Variants in PBX3 observed in about 807,000 individuals in gnomAD.
PBX3 encodes the protein pre-B-cell leukemia transcription factor 3.
A neutral mutation model predicts 48.5 loss-of-function variants in PBX3; 14 were observed. The observed-to-expected ratio is 0.29, with a 90% CI of 0.19 to 0.45. PBX3 has a LOEUF of 0.45. Among genes scored for constraint, PBX3 ranks in the 20% least tolerant of loss-of-function variants. The pLI, the probability that PBX3 is intolerant of heterozygous loss-of-function variation, is 1.00. For missense variants in PBX3, 386 were observed against 546.7 expected (o/e 0.71, Z 2.93); for synonymous variants, 210 against 200.3 (o/e 1.05, Z -0.41).
intron 2 of PBX3, among the ~76,000 whole-genome samples, chr9:125,842,056 T>C (rs1213626542): frequency 6.6e-6 from 1 of 152,192 alleles, no homozygotes; most frequent in Non-Finnish European, 1.5e-5. Flanking sequence ...ACCTCTAATT[T>C]TGAAAACTTT....
chr9:125,874,402 T>A (rs1588246074), intron 2 of PBX3, among the ~76,000 whole-genome samples: 1 of 152,122 alleles, frequency 6.6e-6, no homozygotes, highest in Non-Finnish European at 1.5e-5. Context: ...GACAGGCTAG[T>A]CTTATTCACG....
In PBX3 at chr9:125,966,849, A is replaced by G. The variant is rs1842543834; in HGVS notation, c.*926A>G. 6.6e-6 allele frequency: 1 copy of G among 152,666 alleles called. No individual in the cohort carries two copies. The highest frequency in any genetic ancestry group is 2.4e-5 in the African/African-American group (1 of 41,450). The allele number at this position is 152,666 out of a possible 1,614,324, so 9.5% of individuals were successfully genotyped here. The stretch of plus-strand genomic sequence containing the variant: ...AGTGCTCACTTACTACCTCTGAACA[A>G]TACTCACGCTGTAGTTTGTCTCTTT... On this transcript the variant is annotated 3_prime_UTR_variant, in exon 9 of 9. Transcript: ENST00000373489.
chr9:125,837,141 G>A (rs1015079561), intron 2 of PBX3, among the ~76,000 whole-genome samples: 2 of 152,102 alleles, frequency 1.3e-5, no homozygotes, highest in African/African-American at 2.4e-5. Context: ...TAACAGTAGA[G>A]GGCTGGTTAA....
At chr9:125,796,975 G>C (rs1837800813) in intron 2 of PBX3, among the ~76,000 whole-genome samples, 2 of 152,148 alleles carry the variant, frequency 1.3e-5, no homozygotes, top group South Asian at 4.1e-4. Flanking sequence ...TGCAAGGCCT[G>C]AGATTACCTA....
intron 2 of PBX3, among the ~76,000 whole-genome samples, chr9:125,896,729 T>G (rs1374697813): frequency 6.6e-6 from 1 of 152,032 alleles, no homozygotes; most frequent in Non-Finnish European, 1.5e-5. Context: ...CCTGCCTGAT[T>G]GCTGACAAGT....
At chr9:125,804,818 G>T (rs570416095) in intron 2 of PBX3, among the ~76,000 whole-genome samples, 2 of 118,448 alleles carry the variant, frequency 1.7e-5, no homozygotes, top group African/African-American at 5.4e-5. Flanking sequence ...GGGGTGGCGG[G>T]TACCTGTAAT....
At chr9:125,856,335 T>C (rs1405099467) in intron 2 of PBX3, among the ~76,000 whole-genome samples, 1 of 152,214 alleles carries the variant, frequency 6.6e-6, no homozygotes, top group African/African-American at 2.4e-5. Flanking sequence ...CTGCGCTGCT[T>C]TATTTCTGTC....
intron 2 of PBX3, among the ~76,000 whole-genome samples, chr9:125,774,497 C>A (rs548830210): frequency 7.9e-5 from 12 of 152,268 alleles, no homozygotes; most frequent in African/African-American, 2.9e-4. Flanking sequence ...TGGGATCATA[C>A]AGTATTTGGT....
chr9:125,797,160 A>C (rs1162091620), intron 2 of PBX3, among the ~76,000 whole-genome samples: 1 of 152,166 alleles, frequency 6.6e-6, no homozygotes, highest in Non-Finnish European at 1.5e-5. Context: ...AAAAGCAGAA[A>C]TATATTTTAA....
intron 2 of PBX3, among the ~76,000 whole-genome samples, chr9:125,765,084 G>A (rs1402017034): frequency 6.6e-6 from 1 of 151,824 alleles, no homozygotes; most frequent in Non-Finnish European, 1.5e-5. Context: ...TACAGATACT[G>A]ACCCTGGTAA....
At chr9:125,903,248 A>G (rs1283955870) in intron 2 of PBX3, among the ~76,000 whole-genome samples, 1 of 151,820 alleles carries the variant, frequency 6.6e-6, no homozygotes, top group African/African-American at 2.4e-5. Context: ...ACTAATCTGT[A>G]TATACACATG....
intron 2 of PBX3, among the ~76,000 whole-genome samples, chr9:125,781,674 T>C (rs2132037346): frequency 6.6e-6 from 1 of 152,264 alleles, no homozygotes; most frequent in South Asian, 2.1e-4. Flanking sequence ...TTTCTATTGT[T>C]TTTCTGTTCT....
chr9:125,818,614 G>C (rs996521282), intron 2 of PBX3, among the ~76,000 whole-genome samples: 2 of 152,072 alleles, frequency 1.3e-5, no homozygotes, highest in African/African-American at 2.4e-5. Flanking sequence ...CTCCCAAAGT[G>C]CTGGGATTAC....
intron 2 of PBX3, chr9:125,865,296 G>A (rs1387439391): frequency 1.2e-5 from 2 of 169,344 alleles, no homozygotes; most frequent in East Asian, 3.9e-4. Flanking sequence ...TAAGTCAGGA[G>A]CAATTACATG....
chr9:125,928,935 G>A (rs1287811283), intron 3 of PBX3, among the ~76,000 whole-genome samples: 2 of 152,282 alleles, frequency 1.3e-5, no homozygotes, highest in South Asian at 2.1e-4. Context: ...GGCCCTTTAT[G>A]TGCTAATTCA....
chr9:125,846,125 G>A (rs1021535237), intron 2 of PBX3, among the ~76,000 whole-genome samples: 6 of 151,966 alleles, frequency 3.9e-5, no homozygotes, highest in African/African-American at 1.4e-4. Context: ...CAAAAATTAA[G>A]ACTCATCTAC....
chr9:125,904,653 C>T (rs1841028039), intron 2 of PBX3, among the ~76,000 whole-genome samples: 1 of 151,824 alleles, frequency 6.6e-6, no homozygotes, highest in Non-Finnish European at 1.5e-5. Flanking sequence ...GATTAAAGGT[C>T]AGCAAATCCC....
chr9:125,799,134 T>C (rs780878220), intron 2 of PBX3, among the ~76,000 whole-genome samples: 60 of 152,300 alleles, frequency 3.9e-4, no homozygotes, highest in South Asian at 3.1e-3. Context: ...TGAAGTTAAA[T>C]GTTTCAGTTA....
chr9:125,780,446 C>T (rs1441021942), intron 2 of PBX3, among the ~76,000 whole-genome samples: 2 of 117,542 alleles, frequency 1.7e-5, no homozygotes. Context: ...CCAGACGGGG[C>T]GGCTGGCCGG....
Sources: allele counts gnomAD v4.1 joint callset (sites outside exome capture counted in the v4.1 genomes callset), GRCh38; gene constraint gnomAD v4.1.1; transcripts MANE v1.5; gene names NCBI Gene and HGNC (gene_info 2026-07-23, HGNC 2026-07-21).